Variants in CENPT observed in about 807,000 individuals in gnomAD.
CENPT encodes centromere protein T, also known as interphase centromere complex protein 22.
A neutral mutation model predicts 59.7 loss-of-function variants in CENPT; 42 were observed. That is an observed-to-expected ratio of 0.70 (90% CI 0.55 to 0.91). The LOEUF is 0.91. Among genes scored for constraint, CENPT ranks in the 40% least tolerant of loss-of-function variants. CENPT has a pLI of 0.00. For synonymous variants in CENPT, 295 were observed against 289.6 expected, an observed-to-expected ratio of 1.02 and a Z score of -0.19; for missense variants, 716 against 713.4, an observed-to-expected ratio of 1.00 and a Z score of -0.04.
chr16:67,829,657 A>T lies in CENPT; in HGVS notation c.1186+108T>A, dbSNP rs2057662318. Reference sequence around the variant, plus strand: ...GCAGGTGCCCCTCAGTGTCTCCCTGACCCCCTACCACCACCAGTGCCCGGA... The same window carrying T: ...GCAGGTGCCCCTCAGTGTCTCCCTGTCCCCCTACCACCACCAGTGCCCGGA... On this transcript the variant is annotated intron_variant, in intron 12 of 15. Transcript: ENST00000562787. The T allele has an allele frequency of 2.2e-6, 3 of 1,351,752 alleles. No individual in the cohort carries two copies. The East Asian group carries it at 7.2e-5, about 32-fold the overall frequency. The allele number at this position is 1,351,752 out of a possible 1,614,324, so 83.7% of individuals were successfully genotyped here.
intron 1 of CENPT, among the ~76,000 whole-genome samples, chr16:67,836,377 ATTAT>A (rs1281100864): frequency 6.6e-6 from 1 of 151,872 alleles, no homozygotes; most frequent in Non-Finnish European, 1.5e-5. Flanking sequence ...GCAGTTTTAA[ATTAT>A]TTATTCATTT....
intron 8 of CENPT, 62 bp from the exon 9 acceptor site, chr16:67,831,674 GAGGGCCCTCTCTC>G: frequency 6.2e-7 from 1 of 1,609,060 alleles, no homozygotes; most frequent in South Asian, 1.1e-5. Flanking sequence ...CCAGGCCTGT[GAGGGCCCTCTCTC>G]AGGACTCCTC....
In CENPT at chr16:67,829,826, C is replaced by T; in HGVS notation, c.1125G>A (p.Gly375=). ...CTCCTGGCCCGTCAGCCTCAGCAGT[C>T]CCCTGGGATCCCTCTGCTTCTGTCA... is the stretch of plus-strand genomic sequence containing the variant. The part of the protein sequence containing the change: ...TEVTEAEGSQ[G]TAEADGPGAS... The change falls in exon 12 of 16, where the codon GGG becomes GGA. Residue 375 remains glycine, a synonymous_variant. Coordinates refer to ENST00000562787, the MANE Select transcript of CENPT (RefSeq NM_025082.4). 1 of 1,614,262 alleles carries T rather than the reference C, an allele frequency of 6.2e-7. No homozygotes were observed.
chr16:67,838,044 T>G (rs936635671), intron 1 of CENPT, among the ~76,000 whole-genome samples: 1 of 152,188 alleles, frequency 6.6e-6, no homozygotes, highest in South Asian at 2.1e-4. Context: ...CTTGCCTTTC[T>G]CCAGGGGTGA....
rs750779010 is a variant in CENPT at position 67,842,513 on chromosome 16, C to G, written c.-492+4888G>C. 3.8e-4 allele frequency: 550 copies of G among 1,460,740 alleles called. No homozygotes were observed. The highest frequency in any genetic ancestry group is 4.8e-4 in the Non-Finnish European group (532 of 1,106,868). 90.5% of individuals were successfully genotyped at this position (1,460,740 alleles called of 1,614,324 possible). The stretch of plus-strand genomic sequence containing the variant: ...GCGTAGCCACTGGGCCGTCGAAGAG[C>G]GCAGGAGGCCGGTGGGCCGGGCCGG... On this transcript the variant is annotated intron_variant, in intron 1 of 15. Coordinates refer to ENST00000562787, the MANE Select transcript of CENPT (RefSeq NM_025082.4). This position sits in a 1 kb window ranked among gnomAD's most constrained non-coding sequence, Gnocchi z 4.9.
intron 4 of CENPT, among the ~76,000 whole-genome samples, chr16:67,832,838 G>T (rs550082653): frequency 5.3e-5 from 8 of 152,142 alleles, no homozygotes; most frequent in Non-Finnish European, 1.2e-4. Flanking sequence ...GATAAGTAGG[G>T]GTTAGCCACA....
intron 3 of CENPT, among the ~76,000 whole-genome samples, chr16:67,834,493 C>A (rs2057722737): frequency 6.6e-6 from 1 of 152,082 alleles, no homozygotes; most frequent in Non-Finnish European, 1.5e-5. Flanking sequence ...GTGGTGCGCG[C>A]CTGTAGTCCC....
chr16:67,831,795 A>G lies in CENPT; in HGVS notation c.482T>C (p.Val161Ala). The change falls in exon 8 of 16, where the codon GTG (valine) becomes GCG (alanine). Residue 161 changes from valine to alanine, a missense_variant. Transcript: ENST00000562787. ...GRRKQRLRLS[V>A]FQQGVDQGLS... ...CCCCTGGTCCACTCCCTGCTGAAAC[A>G]CTGACAGTCTCAGCCTCTGTTTCCT... The G allele has an allele frequency of 6.3e-7, 1 of 1,593,462 alleles. No individual in the cohort carries two copies. The highest frequency in any genetic ancestry group is 1.1e-5 in the South Asian group (1 of 87,836).
rs772658849 is a variant in CENPT, at chr16:67,828,217, G to T, written c.*50C>A. ...GGGGAGGAGACCTGGAGAAATATGT[G>T]GGGGCAAGAGTCCCCAGGTGGGGAC... On this transcript the variant is annotated 3_prime_UTR_variant, in exon 16 of 16. Transcript: ENST00000562787. The T allele has an allele frequency of 9.8e-6, 15 of 1,533,952 alleles. No individual in the cohort carries two copies. The highest frequency in any genetic ancestry group is 1.8e-4 in the Middle Eastern group (1 of 5,660).
At chr16:67,836,590 G>T (rs1012321086) in intron 1 of CENPT, among the ~76,000 whole-genome samples, 6 of 151,064 alleles carry the variant, frequency 4.0e-5, no homozygotes, top group African/African-American at 7.3e-5. Context: ...GGGGCCCACC[G>T]CCAAGCCCGG....
chr16:67,846,946 G>GGTTGCC (rs2057804789), intron 1 of CENPT: 1 of 152,450 alleles, frequency 6.6e-6, no homozygotes, highest in Non-Finnish European at 1.5e-5. Context: ...GACCGCGCTG[G>GGTTGCC]GTTGCCGCTG....
chr16:67,839,381 C>CAAAA (rs533840724), intron 1 of CENPT, among the ~76,000 whole-genome samples: 1 of 54,168 alleles, frequency 1.8e-5, no homozygotes, highest in Non-Finnish European at 3.8e-5. Context: ...AACTCCACCT[C>CAAAA]AAAAAAAAAA....
Position 67,843,557 on chromosome 16 carries a change from G to A in CENPT, c.-492+3844C>T, listed in dbSNP as rs2057779290. ...ACCCCATCCAGCCAGGGGACCGCAGGCCATTGTTGAACTCCTCTATACTCC... is the reference window on the plus strand; with the variant it reads ...ACCCCATCCAGCCAGGGGACCGCAGACCATTGTTGAACTCCTCTATACTCC... On this transcript the variant is annotated intron_variant, in intron 1 of 15. Coordinates refer to ENST00000562787, the MANE Select transcript of CENPT (RefSeq NM_025082.4). The surrounding 1 kb of genome is among the most constrained non-coding windows in gnomAD (Gnocchi z 5.7). The A allele has an allele frequency of 6.5e-7, 1 of 1,546,514 alleles. No homozygotes were observed.
At chr16:67,836,802 A>G (rs1464064994) in intron 1 of CENPT, among the ~76,000 whole-genome samples, 1 of 149,920 alleles carries the variant, frequency 6.7e-6, no homozygotes, top group African/African-American at 2.5e-5. Flanking sequence ...TGAACTCCCG[A>G]CCTCAGGTGA....
intron 1 of CENPT, among the ~76,000 whole-genome samples, chr16:67,836,679 C>T (rs977427423): frequency 1.3e-5 from 2 of 151,658 alleles, no homozygotes; most frequent in Admixed American, 1.3e-4. Context: ...ATGGCGCAAC[C>T]TCTGCCTTCT....
At chr16:67,831,441 C>G (rs1011792369) in intron 9 of CENPT, 83 bp from the exon 10 acceptor site, 1 of 1,571,564 alleles carries the variant, frequency 6.4e-7, no homozygotes, top group Non-Finnish European at 8.7e-7. Context: ...CCCTGGGGCT[C>G]TCATCTCTTA....
chr16:67,845,290 C>T (rs1476302706), intron 1 of CENPT, among the ~76,000 whole-genome samples: 2 of 152,156 alleles, frequency 1.3e-5, no homozygotes, highest in African/African-American at 2.4e-5. Flanking sequence ...TGGACAAAGC[C>T]ATCTGCCTGG....
intron 4 of CENPT, among the ~76,000 whole-genome samples, chr16:67,832,876 T>C (rs768285614): frequency 3.4e-4 from 51 of 152,104 alleles, no homozygotes; most frequent in Admixed American, 5.2e-4. Context: ...TGGAAAAGCA[T>C]CCACCCCAGA....
At chr16:67,839,881 A>G (rs1319847336) in intron 1 of CENPT, among the ~76,000 whole-genome samples, 1 of 152,186 alleles carries the variant, frequency 6.6e-6, no homozygotes, top group African/African-American at 2.4e-5. Flanking sequence ...TCTCAAATAA[A>G]TAAATACATA....
Sources: allele counts gnomAD v4.1 joint callset (sites outside exome capture counted in the v4.1 genomes callset), GRCh38; gene constraint gnomAD v4.1.1; non-coding constraint Gnocchi (gnomAD v3.1); transcripts MANE v1.5; gene names NCBI Gene and HGNC (gene_info 2026-07-23, HGNC 2026-07-21).